The following ATP8A1 variants were observed in gnomAD, a reference collection of about 807,000 sequenced individuals.
ATP8A1 encodes ATPase phospholipid transporting 8A1.
A neutral mutation model predicts 177.7 loss-of-function variants in ATP8A1; 90 were observed. The ratio of observed to expected loss-of-function variants is 0.51; its 90% CI spans 0.43 to 0.60. The LOEUF (loss-of-function observed/expected upper bound fraction) is 0.60. Among genes scored for constraint, ATP8A1 ranks in the 20% least tolerant of loss-of-function variants. The pLI is 0.00. For synonymous variants in ATP8A1, 493 were observed against 485.9 expected (o/e 1.01, Z -0.19); for missense variants, 1,072 against 1,392.8 (o/e 0.77, Z 3.67).
At chr4:42,505,188 G>A (rs138628120) in intron 23 of ATP8A1, among the ~76,000 whole-genome samples, 109 of 152,218 alleles carry the variant, frequency 7.2e-4, no homozygotes, top group Admixed American at 2.9e-3. Context: ...GGGTTCTTTC[G>A]TTCCCTGCTC....
At chr4:42,461,210 T>G (rs1467491289) in intron 27 of ATP8A1, among the ~76,000 whole-genome samples, 1 of 151,832 alleles carries the variant, frequency 6.6e-6, no homozygotes, top group Non-Finnish European at 1.5e-5. Flanking sequence ...TTGAATACAT[T>G]GAGCTAGATA....
rs10655191 is a variant in ATP8A1 at position 42,475,491 on chromosome 4, C to CAAA, written c.2324+10002_2324+10004dup. Among the ~76,000 whole-genome samples the CAAA allele has an allele frequency of 3.4e-3, 454 of 132,662 alleles. 5 individuals are homozygous for CAAA. Among genetic ancestry groups the CAAA allele is most frequent in the African/African-American group, 0.013 (422 of 33,726 alleles). 87.0% of individuals were successfully genotyped at this position (132,662 alleles called of 152,430 possible). ...CCAGGTTAGCAAATTAAATATCAGACAAAAAAAAAAAAAAAATTCAGGACA... is the reference window on the plus strand; with the variant it reads ...CCAGGTTAGCAAATTAAATATCAGACAAAAAAAAAAAAAAAAAAATTCAGGACA... On this transcript the variant is annotated intron_variant, in intron 25 of 36. Coordinates refer to ENST00000381668, the MANE Select transcript of ATP8A1 (RefSeq NM_006095.2).
chr4:42,441,523 C>A (rs533608763), intron 33 of ATP8A1, among the ~76,000 whole-genome samples: 3 of 152,094 alleles, frequency 2.0e-5, no homozygotes, highest in Non-Finnish European at 2.9e-5. Context: ...ACAGCTACAA[C>A]ATTTTTTGGG....
chr4:42,417,132 ATAAG>A (rs1713330950), intron 35 of ATP8A1, among the ~76,000 whole-genome samples: 2 of 152,182 alleles, frequency 1.3e-5, no homozygotes, highest in Admixed American at 1.3e-4. Context: ...TGCTAAATAA[ATAAG>A]TGATGATGAG....
Position 42,586,478 on chromosome 4 carries a change from T to G in ATP8A1, c.595-2A>C. 1.2e-6 allele frequency: 2 copies of G among 1,612,762 alleles called. No individual in the cohort carries two copies. Among genetic ancestry groups the G allele is most frequent in the Non-Finnish European group, 1.7e-6 (2 of 1,179,642 alleles). ...GATATCTGATGTTGCTGGTAAGCCC[T>G]GTTTGGAATTTTTAAATAAGCAAAA... On this transcript the variant is annotated splice_acceptor_variant, in intron 8 of 36. Transcript: ENST00000381668. LOFTEE classifies it high-confidence loss of function.
At chr4:42,414,562 G>A in intron 36 of ATP8A1, 65 bp downstream of exon 36, 3 of 1,366,316 alleles carry the variant, frequency 2.2e-6, no homozygotes, top group Non-Finnish European at 2.1e-6. Flanking sequence ...TCAGGATACT[G>A]TATAAATGCT....
intron 27 of ATP8A1, among the ~76,000 whole-genome samples, chr4:42,461,101 A>C (rs151154136): frequency 4.6e-5 from 7 of 152,344 alleles, no homozygotes; most frequent in African/African-American, 1.7e-4. Context: ...CGTGGTATAA[A>C]TGTAAAATAT....
chr4:42,617,953 T>C (rs1355844066), intron 4 of ATP8A1, among the ~76,000 whole-genome samples: 1 of 152,190 alleles, frequency 6.6e-6, no homozygotes, highest in Non-Finnish European at 1.5e-5. Context: ...GATTATTCCT[T>C]CTAAAACTAA....
chr4:42,577,690 T>C (rs1315280576), intron 12 of ATP8A1, among the ~76,000 whole-genome samples: 6 of 152,122 alleles, frequency 3.9e-5, no homozygotes, highest in East Asian at 3.8e-4. Context: ...TATTTAACAA[T>C]ATTCAAGAGA....
At chr4:42,444,486 C>T (rs563477863) in intron 32 of ATP8A1, 92 bp downstream of exon 32, 3 of 1,215,634 alleles carry the variant, frequency 2.5e-6, no homozygotes, top group Middle Eastern at 1.9e-4. Context: ...TAACCTGGGA[C>T]ATATCAAGTT....
At chr4:42,422,353 G>A (rs1427607287) in intron 35 of ATP8A1, among the ~76,000 whole-genome samples, 1 of 152,104 alleles carries the variant, frequency 6.6e-6, no homozygotes. Context: ...GCCTCCTAAA[G>A]TGCTGGGATT....
intron 20 of ATP8A1, among the ~76,000 whole-genome samples, chr4:42,540,176 G>GA (rs1316429427): frequency 6.6e-6 from 1 of 151,988 alleles, no homozygotes; most frequent in Non-Finnish European, 1.5e-5. Flanking sequence ...ACAAGTATAT[G>GA]AAAAAAATGC....
intron 22 of ATP8A1, among the ~76,000 whole-genome samples, chr4:42,519,890 A>G (rs1725932621): frequency 6.6e-6 from 1 of 152,202 alleles, no homozygotes. Context: ...AACTATATGT[A>G]GTTTACATGG....
At chr4:42,544,021 T>A in intron 19 of ATP8A1, 35 bp from the exon 20 acceptor site, 1 of 1,538,690 alleles carries the variant, frequency 6.5e-7, no homozygotes, top group African/African-American at 1.4e-5. Flanking sequence ...TGTGTCATCA[T>A]ACCAAGGATA....
At chr4:42,494,458 G>C (rs979590661) in intron 24 of ATP8A1, among the ~76,000 whole-genome samples, 5 of 152,192 alleles carry the variant, frequency 3.3e-5, no homozygotes, top group Non-Finnish European at 7.3e-5. Flanking sequence ...CTGGGCGACA[G>C]AGTGAGACTC....
intron 25 of ATP8A1, among the ~76,000 whole-genome samples, chr4:42,483,399 A>G (rs1018410988): frequency 1.3e-5 from 2 of 151,938 alleles, no homozygotes; most frequent in Non-Finnish European, 2.9e-5. Context: ...AAAAACCTTA[A>G]AACTGGAAAT....
chr4:42,637,200 A>C, intron 1 of ATP8A1: 1 of 518,922 alleles, frequency 1.9e-6, no homozygotes, highest in South Asian at 1.4e-5. Context: ...ACCACAGTGC[A>C]ATTTTCCTGC....
At chr4:42,641,570 T>C (rs1397225894) in intron 1 of ATP8A1, among the ~76,000 whole-genome samples, 1 of 152,182 alleles carries the variant, frequency 6.6e-6, no homozygotes, top group African/African-American at 2.4e-5. Flanking sequence ...GCGCAAGTTT[T>C]CCGCATTTTG....
At chr4:42,438,947 C>T (rs901881931) in intron 33 of ATP8A1, among the ~76,000 whole-genome samples, 2 of 152,060 alleles carry the variant, frequency 1.3e-5, no homozygotes, top group African/African-American at 4.8e-5. Flanking sequence ...AATGTTGGTT[C>T]CCTTCCCTCC....
Sources: gnomAD v4.1 joint callset for allele counts (sites outside exome capture counted in the v4.1 genomes callset) on GRCh38, gnomAD v4.1.1 for gene constraint, MANE v1.5 for transcripts, NCBI Gene and HGNC (gene_info 2026-07-23, HGNC 2026-07-21) for gene names.